The following MGAT4C variants were observed in gnomAD, a reference collection of about 807,000 sequenced individuals.
The protein encoded by MGAT4C is alpha-1,3-mannosyl-glycoprotein 4-beta-N-acetylglucosaminyltransferase C.
MGAT4C carries 19 observed loss-of-function variants against 40.1 expected under a neutral mutation model. The observed-to-expected ratio is 0.47, with a 90% CI of 0.33 to 0.70. The LOEUF (loss-of-function observed/expected upper bound fraction) is 0.70. Ranked by LOEUF, MGAT4C falls within the 30% of genes least tolerant of loss-of-function variation. MGAT4C has a pLI of 0.02. For synonymous variants in MGAT4C, 181 were observed against 187.1 expected, an observed-to-expected ratio of 0.97 and a Z score of 0.27; for missense variants, 491 against 563.2, an observed-to-expected ratio of 0.87 and a Z score of 1.30.
chr12:86,053,874 A>G (rs887608454), intron 1 of MGAT4C, among the ~76,000 whole-genome samples: 2 of 152,012 alleles, frequency 1.3e-5, no homozygotes, highest in African/African-American at 4.8e-5. Flanking sequence ...AGAGAAATGC[A>G]AGTAAAATTC....
chr12:86,832,265 T>A (rs1952943860), intron 1 of MGAT4C, among the ~76,000 whole-genome samples: 2 of 151,850 alleles, frequency 1.3e-5, no homozygotes, highest in South Asian at 4.1e-4. Flanking sequence ...TATTTATAAC[T>A]ATTTGTCAGT....
chr12:85,984,570 A>C (rs750986389), intron 3 of MGAT4C, among the ~76,000 whole-genome samples: 17 of 152,148 alleles, frequency 1.1e-4, no homozygotes, highest in Non-Finnish European at 2.2e-4. Context: ...GATATAAGCT[A>C]AATGGTAAAT....
At chr12:86,604,822 T>C (rs2136466116) in intron 2 of MGAT4C, among the ~76,000 whole-genome samples, 1 of 152,234 alleles carries the variant, frequency 6.6e-6, no homozygotes, top group East Asian at 1.9e-4. Flanking sequence ...AAAAAATTAT[T>C]CCATGCAGCA....
intron 1 of MGAT4C, among the ~76,000 whole-genome samples, chr12:86,049,965 G>A (rs1892742412): frequency 6.6e-6 from 1 of 151,780 alleles, no homozygotes; most frequent in Non-Finnish European, 1.5e-5. Flanking sequence ...TTCATTTAAA[G>A]TATCAAATTA....
chr12:86,488,600 G>C (rs1373064388), intron 2 of MGAT4C, among the ~76,000 whole-genome samples: 1 of 152,014 alleles, frequency 6.6e-6, no homozygotes, highest in Non-Finnish European at 1.5e-5. Context: ...GGCTTGAAGA[G>C]TTTCAGTGGT....
At chr12:86,274,315 T>C (rs1263306356) in intron 4 of MGAT4C, among the ~76,000 whole-genome samples, 2 of 152,158 alleles carry the variant, frequency 1.3e-5, no homozygotes, top group Non-Finnish European at 2.9e-5. Context: ...TGGGGACATA[T>C]ATCCAATCGA....
chr12:86,778,224 G>T (rs551739284), intron 1 of MGAT4C, among the ~76,000 whole-genome samples: 13 of 152,250 alleles, frequency 8.5e-5, no homozygotes, highest in African/African-American at 2.9e-4. Context: ...ATACTGAAAA[G>T]AATTTGTAGT....
intron 4 of MGAT4C, among the ~76,000 whole-genome samples, chr12:86,307,250 ATTATCT>A (rs909644716): frequency 9.3e-5 from 14 of 150,606 alleles, no homozygotes; most frequent in East Asian, 1.9e-4. Context: ...ATTATGAGAA[ATTATCT>A]TTATAGTGTT....
intron 2 of MGAT4C, among the ~76,000 whole-genome samples, chr12:86,019,678 T>A (rs1438483337): frequency 6.6e-6 from 1 of 152,176 alleles, no homozygotes; most frequent in Admixed American, 6.5e-5. Context: ...ATGTGGGCTT[T>A]TTTTTGGTTC....
intron 1 of MGAT4C, among the ~76,000 whole-genome samples, chr12:86,733,067 G>T (rs1305805497): frequency 6.6e-6 from 1 of 152,010 alleles, no homozygotes; most frequent in African/African-American, 2.4e-5. Flanking sequence ...AATTAAATCA[G>T]TCTTCCCTCT....
At chr12:86,073,274 G>C (rs978867641) in intron 1 of MGAT4C, among the ~76,000 whole-genome samples, 3 of 152,150 alleles carry the variant, frequency 2.0e-5, no homozygotes, top group African/African-American at 7.2e-5. Flanking sequence ...CAGCCATGTG[G>C]AACTGTGAGT....
At chr12:86,475,041 A>AAT (rs1957812248) in intron 2 of MGAT4C, among the ~76,000 whole-genome samples, 2 of 152,286 alleles carry the variant, frequency 1.3e-5, no homozygotes, top group Admixed American at 1.3e-4. Context: ...GCATTATAAA[A>AAT]ATAGTAAACT....
chr12:86,711,504 G>A (rs1344859545), intron 2 of MGAT4C, among the ~76,000 whole-genome samples: 1 of 152,128 alleles, frequency 6.6e-6, no homozygotes, highest in Non-Finnish European at 1.5e-5. Context: ...TTAAGATTTT[G>A]TGTATAGATG....
chr12:86,636,395 G>T (rs1963220542), intron 2 of MGAT4C, among the ~76,000 whole-genome samples: 1 of 151,964 alleles, frequency 6.6e-6, no homozygotes. Flanking sequence ...ACTCTAGGAT[G>T]TTTGTGCTCT....
At chr12:86,222,326 G>A (rs547752623) in intron 1 of MGAT4C, among the ~76,000 whole-genome samples, 3 of 152,282 alleles carry the variant, frequency 2.0e-5, no homozygotes, top group African/African-American at 4.8e-5. Flanking sequence ...ACTAAACAAT[G>A]AGCTTTAGTT....
chr12:86,040,777 A>T (rs1484580814), intron 2 of MGAT4C, among the ~76,000 whole-genome samples: 1 of 152,166 alleles, frequency 6.6e-6, no homozygotes, highest in Non-Finnish European at 1.5e-5. Flanking sequence ...TGTCCGCCCA[A>T]ACTGCTGCTG....
chr12:86,221,946 T>C (rs1950894828), intron 1 of MGAT4C, among the ~76,000 whole-genome samples: 1 of 152,224 alleles, frequency 6.6e-6, no homozygotes, highest in Non-Finnish European at 1.5e-5. Flanking sequence ...CATACACACA[T>C]ATAAGAACAG....
At chr12:86,257,967 GAC>G (rs1952570114), upstream of MGAT4C, among the ~76,000 whole-genome samples, 1 of 151,606 alleles carries the variant, frequency 6.6e-6, no homozygotes, top group Admixed American at 6.6e-5. Context: ...GATCAGATGA[GAC>G]AATGCATAGA....
rs1883352411 is a variant in MGAT4C at position 85,966,150 on chromosome 12, C to T, written c.*13139G>A. 6.6e-6 allele frequency: 1 copy of T among 151,868 alleles called. No individual in the cohort carries two copies. Among genetic ancestry groups the T allele is most frequent in the Admixed American group, 6.6e-5 (1 of 15,234 alleles). 9.4% of individuals were successfully genotyped at this position (151,868 alleles called of 1,614,324 possible). On this transcript the variant is annotated 3_prime_UTR_variant, in exon 5 of 5. Transcript: ENST00000611864. ...TATTAAAAATCTAAACAATAATAAC[C>T]AGATGGAGGAAAATGATACCATCTG...
Sources: allele counts gnomAD v4.1 joint callset (sites outside exome capture counted in the v4.1 genomes callset), GRCh38; gene constraint gnomAD v4.1.1; transcripts MANE v1.5; gene names NCBI Gene and HGNC (gene_info 2026-07-23, HGNC 2026-07-21).